The following MNT variants were observed in gnomAD, a reference collection of about 807,000 sequenced individuals.
MNT encodes the protein max-binding protein MNT.
Under a neutral mutation model 40.7 loss-of-function variants are expected in MNT, and 13 were observed. The observed-to-expected ratio is 0.32, with a 90% CI of 0.21 to 0.51. The LOEUF is 0.51. Ranked by LOEUF, MNT falls within the 20% of genes least tolerant of loss-of-function variation. MNT has a pLI of 0.98. For missense variants in MNT, 757 were observed against 792.0 expected, an observed-to-expected ratio of 0.96 and a Z score of 0.53; for synonymous variants, 426 against 354.8, an observed-to-expected ratio of 1.20 and a Z score of -2.26.
rs1210602277 is a variant in MNT, at chr17:2,400,630, G to T, written c.73+10C>A. Reference sequence around the variant, plus strand: ...CCCCAGTGCCCCAGGGGCCCAGCCCGGCCGCTCACCACGTGCTCTCTGTTG... The same window carrying T: ...CCCCAGTGCCCCAGGGGCCCAGCCCTGCCGCTCACCACGTGCTCTCTGTTG... On this transcript the variant is annotated intron_variant, in intron 1 of 5. Coordinates refer to ENST00000174618, the MANE Select transcript of MNT (RefSeq NM_020310.3). 1.3e-6 allele frequency: 2 copies of T among 1,575,374 alleles called. No homozygotes were observed. The highest frequency in any genetic ancestry group is 2.8e-5 in the African/African-American group (2 of 70,878).
intron 5 of MNT, 74 bp from the exon 6 acceptor site, chr17:2,387,723 G>A (rs1026392842): frequency 6.3e-7 from 1 of 1,582,864 alleles, no homozygotes; most frequent in Non-Finnish European, 8.6e-7. Flanking sequence ...GATGCTCGTG[G>A]GGGCGTGGGA....
At chr17:2,391,190 T>C (rs577928735) in intron 4 of MNT, 3 of 152,488 alleles carry the variant, frequency 2.0e-5, no homozygotes, top group South Asian at 2.1e-4. Context: ...GATTTTGCCA[T>C]GTTGGCCAGG....
Position 2,395,316 on chromosome 17 carries a change from G to A in MNT, c.212C>T (p.Ala71Val), listed in dbSNP as rs1267797985. 2 of 1,604,686 alleles carry A rather than the reference G, an allele frequency of 1.2e-6. No individual in the cohort carries two copies. The highest frequency in any genetic ancestry group is 2.2e-5 in the South Asian group (2 of 90,504). ...TGGTGGTGGGGGTGCCGGCGGGGGAGCCGGTGGAGACAGAGGCAGGGGTGG... is the reference window on the plus strand; with the variant it reads ...TGGTGGTGGGGGTGCCGGCGGGGGAACCGGTGGAGACAGAGGCAGGGGTGG... ...EAPPLPLSPP[A>V]PPPAPPPPLA... is the part of the protein sequence containing the mutation. The change falls in exon 2 of 6, where the codon GCT becomes GTT. Residue 71 changes from alanine to valine, a missense_variant. This residue lies in a region of MNT where 335 missense variants were observed against 291.4 expected (regional missense o/e 1.15). Coordinates refer to ENST00000174618, the MANE Select transcript of MNT (RefSeq NM_020310.3).
intron 4 of MNT, chr17:2,390,295 A>G (rs928780626): frequency 1.3e-5 from 2 of 152,274 alleles, no homozygotes; most frequent in Non-Finnish European, 2.9e-5. Context: ...TCGCAGGGAG[A>G]ATCACAGTAA....
At chr17:2,395,566 CGA>C (rs1944621042) in intron 1 of MNT, 112 bp from the exon 2 acceptor site, 8 of 1,509,646 alleles carry the variant, frequency 5.3e-6, no homozygotes, top group East Asian at 2.4e-5. Flanking sequence ...CCCTGCTCAG[CGA>C]GAGACACCAC....
intron 4 of MNT, chr17:2,389,831 A>ACCC (rs920212514): frequency 2.0e-5 from 3 of 150,664 alleles, no homozygotes; most frequent in African/African-American, 7.4e-5. Context: ...TTCTCACTCC[A>ACCC]CCCTTCCCTT....
chr17:2,393,579 G>A (rs986334960), intron 4 of MNT, among the ~76,000 whole-genome samples: 2 of 152,182 alleles, frequency 1.3e-5, no homozygotes, highest in South Asian at 4.1e-4. Context: ...GGCTCGGCCC[G>A]CGCCGCAGCG....
chr17:2,393,575 G>A (rs2066544326), intron 4 of MNT, among the ~76,000 whole-genome samples: 1 of 152,166 alleles, frequency 6.6e-6, no homozygotes, highest in Non-Finnish European at 1.5e-5. Context: ...ACGGGGCTCG[G>A]CCCGCGCCGC....
chr17:2,394,206 G>T, intron 3 of MNT, 52 bp from the exon 4 acceptor site: 1 of 1,599,476 alleles, frequency 6.3e-7, no homozygotes, highest in Non-Finnish European at 8.5e-7. Context: ...GGGCTGGGAC[G>T]GGGGGAGGCA....
intron 4 of MNT, chr17:2,390,561 C>T (rs1398563910): frequency 6.6e-6 from 1 of 152,204 alleles, no homozygotes; most frequent in East Asian, 1.9e-4. Context: ...GGAGATGGAA[C>T]ACTTCCATCC....
chr17:2,394,462 A>C, intron 2 of MNT, 116 bp from the exon 3 acceptor site: 1 of 1,483,324 alleles, frequency 6.7e-7, no homozygotes, highest in South Asian at 1.2e-5. Context: ...ACTGTCTTAA[A>C]GCAGACTGGG....
At chr17:2,399,541 G>A (rs1706672732) in intron 1 of MNT, among the ~76,000 whole-genome samples, 1 of 152,214 alleles carries the variant, frequency 6.6e-6, no homozygotes, top group African/African-American at 2.4e-5. Context: ...AGAGCCGACA[G>A]GTGAGCTCGG....
At chr17:2,392,170 C>G (rs2066521688) in intron 4 of MNT, 1 of 152,276 alleles carries the variant, frequency 6.6e-6, no homozygotes, top group East Asian at 1.9e-4. Flanking sequence ...TCATCTGCCA[C>G]AAGACCCAGG....
chr17:2,391,147 CA>C (rs2066510278), intron 4 of MNT: 1 of 152,350 alleles, frequency 6.6e-6, no homozygotes, highest in South Asian at 2.1e-4. Flanking sequence ...TGCCACCAGG[CA>C]GGACTAATTT....
In MNT at chr17:2,400,963, G is replaced by A; in HGVS notation, c.-251C>T. 2 of 378,134 alleles carry A rather than the reference G, an allele frequency of 5.3e-6. No homozygotes were observed. 23.4% of individuals were successfully genotyped at this position (378,134 alleles called of 1,614,324 possible). ...GCAAAAAAAAAAAAAAGGCGGCACT[G>A]CCTCCCTTCTTCCCCTCCCTCTCTA... On this transcript the variant is annotated 5_prime_UTR_variant, in exon 1 of 6. Coordinates refer to ENST00000174618, the MANE Select transcript of MNT (RefSeq NM_020310.3).
At position 2,387,577 on chromosome 17, in the gene MNT, C is replaced by A; in HGVS notation, c.1073G>T (p.Arg358Leu). The change falls in exon 6 of 6, where the codon CGT becomes CTT. Residue 358 changes from arginine (R) to leucine (L), a missense_variant. By Grantham distance (102) the Arg-to-Leu change is moderately radical. This residue lies in a region of MNT where 345 missense variants were observed against 380.1 expected (regional missense o/e 0.91). Transcript: ENST00000174618. The part of the protein sequence containing the change: ...AGLGPPKLSH[R>L]PQPELLKSTL... ...GGACTTCAGCAGCTCCGGCTGGGGACGATGGCTCAGCTTAGGTGGGCCCAG... is the reference window on the plus strand; with the variant it reads ...GGACTTCAGCAGCTCCGGCTGGGGAAGATGGCTCAGCTTAGGTGGGCCCAG... 1 of 1,614,022 alleles carries A rather than the reference C, an allele frequency of 6.2e-7. No individual in the cohort carries two copies. The highest frequency in any genetic ancestry group is 8.5e-7 in the Non-Finnish European group (1 of 1,179,986).
chr17:2,385,818 T>C lies in MNT; in HGVS notation c.*1083A>G, dbSNP rs978153647. 1 of 152,290 alleles carries C rather than the reference T, an allele frequency of 6.6e-6. No homozygotes were observed. The highest frequency in any genetic ancestry group is 2.4e-5 in the African/African-American group (1 of 41,460). The allele number at this position is 152,290 out of a possible 1,614,324, so 9.4% of individuals were successfully genotyped here. On this transcript the variant is annotated 3_prime_UTR_variant, in exon 6 of 6. Transcript: ENST00000174618. The stretch of plus-strand genomic sequence containing the variant: ...GGGCTTGGCTAAGCCGCTGGGTTTT[T>C]ACCTTCCTGATGTCTCAACGATGTG...
intron 4 of MNT, chr17:2,391,385 G>A (rs1402269401): frequency 6.6e-6 from 1 of 152,312 alleles, no homozygotes; most frequent in Non-Finnish European, 1.5e-5. Context: ...GGAAGCAGCA[G>A]TCCTGAACTC....
At position 2,394,378 on chromosome 17, in the gene MNT, G is replaced by C. The variant is rs141825360; in HGVS notation, c.654-32C>G. 3.8e-4 allele frequency: 605 copies of C among 1,613,200 alleles called. 1 individual carries two copies. The African/African-American group carries it at 5.6e-3, about 15-fold the overall frequency. On this transcript the variant is annotated intron_variant, in intron 2 of 5. Coordinates refer to ENST00000174618, the MANE Select transcript of MNT (RefSeq NM_020310.3). ...CCCAGACAGATAGGAGGCTCAGGGA[G>C]GAGGACTCGATTAGACGGCCTTCCT...
Sources: allele counts gnomAD v4.1 joint callset (sites outside exome capture counted in the v4.1 genomes callset), GRCh38; gene constraint gnomAD v4.1.1; regional missense constraint gnomAD v4.1.1; transcripts MANE v1.5; gene names NCBI Gene and HGNC (gene_info 2026-07-23, HGNC 2026-07-21).